Variants in GALNT15 observed in about 807,000 individuals in gnomAD.
GALNT15 encodes polypeptide N-acetylgalactosaminyltransferase 15.
GALNT15 carries 67 observed loss-of-function variants against 66.8 expected under a neutral mutation model. That is an observed-to-expected ratio of 1.00 (90% CI 0.82 to 1.23). The LOEUF (loss-of-function observed/expected upper bound fraction) is 1.23, where lower values mean the gene tolerates loss of function less well. GALNT15 is among the 50% of genes most tolerant of loss of function. The pLI is 0.00. For missense variants in GALNT15, 827 were observed against 804.3 expected (o/e 1.03, Z -0.34); for synonymous variants, 313 against 311.5 (o/e 1.00, Z -0.05).
Position 16,225,513 on chromosome 3 carries a change from G to A in GALNT15, c.1774-1841G>A, listed in dbSNP as rs1396144013. Among the ~76,000 whole-genome samples, 1 of 152,092 alleles carries A rather than the reference G, an allele frequency of 6.6e-6. No individual in the cohort carries two copies. Among genetic ancestry groups the A allele is most frequent in the African/African-American group, 2.4e-5 (1 of 41,402 alleles). On this transcript the variant is annotated intron_variant, in intron 9 of 9. Coordinates refer to ENST00000339732, the MANE Select transcript of GALNT15 (RefSeq NM_054110.5). This position sits in a 1 kb window ranked among gnomAD's most constrained non-coding sequence, Gnocchi z 4.4. ...AGGCTGAGACCAGCCTGGCCAATATGGTGAAACCCCGTTTCTACTAAAAAC... is the reference window on the plus strand; with the variant it reads ...AGGCTGAGACCAGCCTGGCCAATATAGTGAAACCCCGTTTCTACTAAAAAC...
chr3:16,238,242 T>A, the GALNT15 span, among the ~76,000 whole-genome samples: 2 of 151,994 alleles, frequency 1.3e-5, no homozygotes, highest in Non-Finnish European at 2.9e-5. This position sits in a 1 kb window ranked among gnomAD's most constrained non-coding sequence, Gnocchi z 4.8. Flanking sequence ...GGGAGAAAAA[T>A]CAACTAGAGA....
rs2063605102 is a variant in GALNT15, at chr3:16,193,873, G to A, written c.540-1887G>A. ...GAGGCTCTTCAGAAACACACGTTAA[G>A]AAAGTGCCTTTTGTAAGCAAGTGTG... On this transcript the variant is annotated intron_variant, in intron 1 of 9. Coordinates refer to ENST00000339732, the MANE Select transcript of GALNT15 (RefSeq NM_054110.5). This position sits in a 1 kb window ranked among gnomAD's most constrained non-coding sequence, Gnocchi z 4.7. 1.3e-5 allele frequency among the ~76,000 whole-genome samples: 2 copies of A among 152,192 alleles called. No individual in the cohort carries two copies. Among genetic ancestry groups the A allele is most frequent in the African/African-American group, 4.8e-5 (2 of 41,442 alleles).
At chr3:16,231,134 C>T (rs1355639145), downstream of GALNT15, among the ~76,000 whole-genome samples, 1 of 123,506 alleles carries the variant, frequency 8.1e-6, no homozygotes, top group Non-Finnish European at 1.6e-5. The surrounding 1 kb of genome is among the most constrained non-coding windows in gnomAD (Gnocchi z 4.1). Flanking sequence ...CACACCAGGG[C>T]CTGTTGAGGG....
At chr3:16,185,457 C>T (rs759105282) in intron 1 of GALNT15, among the ~76,000 whole-genome samples, 5 of 152,084 alleles carry the variant, frequency 3.3e-5, no homozygotes, top group African/African-American at 1.2e-4. Flanking sequence ...TAAGTTCCCT[C>T]GGTAATGGAG....
chr3:16,241,325 A>G, the GALNT15 span, among the ~76,000 whole-genome samples: 1 of 152,222 alleles, frequency 6.6e-6, no homozygotes, highest in East Asian at 1.9e-4. The surrounding 1 kb of genome is among the most constrained non-coding windows in gnomAD (Gnocchi z 4.6). Context: ...AGAAACAAGC[A>G]GAATGAAAGT....
intron 1 of GALNT15, among the ~76,000 whole-genome samples, chr3:16,178,880 A>C (rs1467870609): frequency 2.6e-5 from 4 of 152,186 alleles, no homozygotes; most frequent in Non-Finnish European, 5.9e-5. Flanking sequence ...CGCCAGCCAC[A>C]CATCCCCTTG....
At chr3:16,234,246 CCTCTGGTCTTATAGCTTTAGCTTT>C (rs1337202935), downstream of GALNT15, among the ~76,000 whole-genome samples, 1 of 152,198 alleles carries the variant, frequency 6.6e-6, no homozygotes, top group Non-Finnish European at 1.5e-5. Context: ...CACCCATATC[CCTCTGGTCTTATAGCTTTAGCTTT>C]CTCTGAAAAA....
At chr3:16,208,073 G>A (rs2063776276) in intron 3 of GALNT15, among the ~76,000 whole-genome samples, 1 of 152,122 alleles carries the variant, frequency 6.6e-6, no homozygotes, top group African/African-American at 2.4e-5. Flanking sequence ...AAAAGTACTG[G>A]CATGCTCTTT....
rs532879718 is a variant in GALNT15 at position 16,211,202 on chromosome 3, G to A, written c.1158G>A (p.Met386Ile). Residue 386 changes from methionine (M) to isoleucine (I), a missense_variant, in exon 5 of 10, where the codon ATG (methionine) becomes ATA (isoleucine). Coordinates refer to ENST00000339732, the MANE Select transcript of GALNT15 (RefSeq NM_054110.5). This position sits in a 1 kb window ranked among gnomAD's most constrained non-coding sequence, Gnocchi z 4.3. ...ACACTGGAGCGTATGACTCTCTTAT[G>A]TCGCTGCGAGGTGGTGAAAACCTCG... The part of the protein sequence containing the change: ...FQNTGAYDSL[M>I]SLRGGENLEL... 1,278 of 1,613,976 alleles carry A rather than the reference G, an allele frequency of 7.9e-4. 24 individuals are homozygous for A. In the South Asian group the frequency reaches 0.013, roughly 16 times the overall value.
At chr3:16,239,954 C>T in the GALNT15 span, among the ~76,000 whole-genome samples, 1 of 152,238 alleles carries the variant, frequency 6.6e-6, no homozygotes, top group Non-Finnish European at 1.5e-5. The surrounding 1 kb of genome is among the most constrained non-coding windows in gnomAD (Gnocchi z 5.2). Flanking sequence ...ATGGTAGTGT[C>T]AAGGGGCCTC....
At chr3:16,192,171 C>G (rs2063585846) in intron 1 of GALNT15, among the ~76,000 whole-genome samples, 1 of 152,044 alleles carries the variant, frequency 6.6e-6, no homozygotes, top group Admixed American at 6.5e-5. Flanking sequence ...TTCTTTTGAC[C>G]ATCTTACTAC....
rs1225897223 is a variant in GALNT15 at position 16,203,132 on chromosome 3, T to C, written c.911+2309T>C. ...TATGTAAGGGCAGATAATTCGTAGC[T>C]GAGTCAGATTTTCTGACTCTGGGTC... On this transcript the variant is annotated intron_variant, in intron 3 of 9. Transcript: ENST00000339732. This position sits in a 1 kb window ranked among gnomAD's most constrained non-coding sequence, Gnocchi z 6.2. 6.6e-6 allele frequency among the ~76,000 whole-genome samples: 1 copy of C among 152,226 alleles called. No individual in the cohort carries two copies. The highest frequency in any genetic ancestry group is 6.5e-5 in the Admixed American group (1 of 15,284).
intron 3 of GALNT15, among the ~76,000 whole-genome samples, chr3:16,208,240 C>T (rs1419268759): frequency 6.6e-6 from 1 of 152,212 alleles, no homozygotes; most frequent in East Asian, 1.9e-4. Flanking sequence ...TAATATAGTT[C>T]AGTAAACCCA....
chr3:16,194,095 A>C (rs1186152866), intron 1 of GALNT15, among the ~76,000 whole-genome samples: 2 of 152,142 alleles, frequency 1.3e-5, no homozygotes, highest in African/African-American at 2.4e-5. Flanking sequence ...TTGAAGGTAG[A>C]ACATTCAGCG....
At chr3:16,247,029 C>T in the GALNT15 span, among the ~76,000 whole-genome samples, 4,248 of 151,986 alleles carry the variant, frequency 0.028, 94 homozygotes, top group Middle Eastern at 0.082. Flanking sequence ...TACATTTGCA[C>T]AGAGTAAATT....
At position 16,182,062 on chromosome 3, in the gene GALNT15, C is replaced by A. The variant is rs2063477016; in HGVS notation, c.539+6372C>A. On this transcript the variant is annotated intron_variant, in intron 1 of 9. Transcript: ENST00000339732. This position sits in a 1 kb window ranked among gnomAD's most constrained non-coding sequence, Gnocchi z 6.1. Reference sequence around the variant, plus strand: ...TGCACTTCAGGACAAACCCAGCTGGCCTTGGGGGTTAGATTAGATGTGGTT... The same window carrying A: ...TGCACTTCAGGACAAACCCAGCTGGACTTGGGGGTTAGATTAGATGTGGTT... 6.6e-6 allele frequency among the ~76,000 whole-genome samples: 1 copy of A among 152,114 alleles called. No individual in the cohort carries two copies. Among genetic ancestry groups the A allele is most frequent in the Admixed American group, 6.5e-5 (1 of 15,280 alleles).
At chr3:16,215,055 A>G (rs1027190530) in intron 6 of GALNT15, among the ~76,000 whole-genome samples, 2 of 152,228 alleles carry the variant, frequency 1.3e-5, no homozygotes, top group African/African-American at 2.4e-5. Flanking sequence ...GAAGTGTTAA[A>G]TGTTGCATAG....
At position 16,176,016 on chromosome 3, in the gene GALNT15, C is replaced by G. The variant is rs2063406302; in HGVS notation, c.539+326C>G. Among the ~76,000 whole-genome samples, 1 of 152,172 alleles carries G rather than the reference C, an allele frequency of 6.6e-6. No homozygotes were observed. Among genetic ancestry groups the G allele is most frequent in the African/African-American group, 2.4e-5 (1 of 41,454 alleles). On this transcript the variant is annotated intron_variant, in intron 1 of 9. Coordinates refer to ENST00000339732, the MANE Select transcript of GALNT15 (RefSeq NM_054110.5). This position sits in a 1 kb window ranked among gnomAD's most constrained non-coding sequence, Gnocchi z 5.6. ...TTGCTTGTTCATTCTCTTCTCCGTCCTGGGTTCTAGTTCTTCTGTCTTTAG... is the reference window on the plus strand; with the variant it reads ...TTGCTTGTTCATTCTCTTCTCCGTCGTGGGTTCTAGTTCTTCTGTCTTTAG...
chr3:16,227,248 C>T lies in GALNT15; in HGVS notation c.1774-106C>T. On this transcript the variant is annotated intron_variant, in intron 9 of 9. Transcript: ENST00000339732. The surrounding 1 kb of genome is among the most constrained non-coding windows in gnomAD (Gnocchi z 4.5). ...CAATTCCTTTCCAGGCCAGTTCACACCATCTGTTATTCTCTTAATGATTAG... is the reference window on the plus strand; with the variant it reads ...CAATTCCTTTCCAGGCCAGTTCACATCATCTGTTATTCTCTTAATGATTAG... 1.7e-6 allele frequency: 2 copies of T among 1,196,942 alleles called. No individual in the cohort carries two copies. Among genetic ancestry groups the T allele is most frequent in the South Asian group, 3.0e-5 (2 of 66,470 alleles). 74.1% of individuals were successfully genotyped at this position (1,196,942 alleles called of 1,614,324 possible). A position where few individuals can be genotyped will look rare whatever the true frequency, so the allele number is the denominator to read the frequency against.
Sources: allele counts gnomAD v4.1 joint callset (sites outside exome capture counted in the v4.1 genomes callset), GRCh38; gene constraint gnomAD v4.1.1; non-coding constraint Gnocchi (gnomAD v3.1); transcripts MANE v1.5; gene names NCBI Gene and HGNC (gene_info 2026-07-23, HGNC 2026-07-21).